PKHD1L1: variants seen among roughly 807,000 people sequenced by gnomAD.
PKHD1L1 encodes the protein fibrocystin-L.
Under a neutral mutation model 462.9 loss-of-function variants are expected in PKHD1L1, and 434 were observed. The ratio of observed to expected loss-of-function variants is 0.94; its 90% CI spans 0.87 to 1.02. PKHD1L1 has a LOEUF of 1.02. Ranked by LOEUF, PKHD1L1 falls within the 50% of genes least tolerant of loss-of-function variation. The probability of loss-of-function intolerance (pLI) is 0.00; values close to 1 mark genes in which losing one functional copy is unlikely to be tolerated. For synonymous variants in PKHD1L1, 1,781 were observed against 1,750.0 expected (o/e 1.02, Z -0.44); for missense variants, 5,202 against 5,096.1 (o/e 1.02, Z -0.63).
At chr8:109,523,012 T>G in intron 75 of PKHD1L1, 122 bp downstream of exon 75, 2 of 1,144,460 alleles carry the variant, frequency 1.7e-6, no homozygotes, top group Non-Finnish European at 2.4e-6. Context: ...CTTTCAGAAG[T>G]TGGACTAATA....
At chr8:109,496,690 G>T (rs1819104988) in intron 63 of PKHD1L1, among the ~76,000 whole-genome samples, 1 of 152,184 alleles carries the variant, frequency 6.6e-6, no homozygotes, top group Non-Finnish European at 1.5e-5. Context: ...TTTGAGACGA[G>T]TTTGAGTAAC....
At chr8:109,504,106 C>T (rs998030003) in intron 67 of PKHD1L1, among the ~76,000 whole-genome samples, 1 of 152,164 alleles carries the variant, frequency 6.6e-6, no homozygotes, top group Non-Finnish European at 1.5e-5. Flanking sequence ...GTTACATGGC[C>T]AAGCCCGGAG....
intron 57 of PKHD1L1, 23 bp from the exon 58 acceptor site, chr8:109,485,021 T>C (rs767146758): frequency 6.4e-7 from 1 of 1,557,698 alleles, no homozygotes; most frequent in Admixed American, 2.1e-5. Flanking sequence ...TGTTCTTAAA[T>C]TTGGCACTTG....
At position 109,464,285 on chromosome 8, in the gene PKHD1L1, C is replaced by G; in HGVS notation, c.7453C>G (p.Gln2485Glu). 1 of 1,612,690 alleles carries G rather than the reference C, an allele frequency of 6.2e-7. No homozygotes were observed. The highest frequency in any genetic ancestry group is 8.5e-7 in the Non-Finnish European group (1 of 1,179,202). ...PIHWHLLGDLQFKSYVRGCAI... is the reference protein window; with the variant it reads ...PIHWHLLGDLEFKSYVRGCAI... ...ACATTGGCACCTGCTTGGAGACTTA[C>G]AGTTTAAATCTTATGTAAGAGGCTG... Residue 2485 changes from glutamine (Q) to glutamate (E), a missense_variant, in exon 49 of 78, where the codon CAG becomes GAG. Gln to Glu is a conservative substitution (Grantham distance 29). This residue lies in a region of PKHD1L1 where 4,497 missense variants were observed against 4,336.8 expected (regional missense o/e 1.04). Coordinates refer to ENST00000378402, the MANE Select transcript of PKHD1L1 (RefSeq NM_177531.6).
chr8:109,508,210 C>T lies in PKHD1L1; in HGVS notation c.11341C>T (p.Arg3781Ter), dbSNP rs780025206. The T allele has an allele frequency of 1.3e-5, 21 of 1,613,108 alleles. No homozygotes were observed. In the East Asian group the frequency reaches 2.5e-4, roughly 19 times the overall value. Residue 3781 changes from arginine to a stop codon, truncating the protein, a stop_gained, in exon 70 of 78, where the codon CGA (arginine) becomes TGA (stop). Coordinates refer to ENST00000378402, the MANE Select transcript of PKHD1L1 (RefSeq NM_177531.6). LOFTEE classifies it high-confidence loss of function. ...AAGTCTGGATCCTGACACAGAAACT[C>T]GAAGACTTTCCCCAGTGGCTATAAT... ...IESLDPDTET[R>*]RLSPVAIMGN...
chr8:109,410,726 C>CTGTTTTTTTTTTTTTTTTTTTTTTTTT (rs1813798124), intron 19 of PKHD1L1, among the ~76,000 whole-genome samples: 1 of 68,402 alleles, frequency 1.5e-5, no homozygotes, highest in African/African-American at 8.2e-5. Flanking sequence ...TTTTCTTTTT[C>CTGTTTTTTTTTTTTTTTTTTTTTTTTT]TTTTTTTTTT....
chr8:109,453,026 T>C (rs1054588203), intron 43 of PKHD1L1, among the ~76,000 whole-genome samples, 152 bp downstream of exon 43: 2 of 152,174 alleles, frequency 1.3e-5, no homozygotes, highest in African/African-American at 4.8e-5. Context: ...AGTATTACAA[T>C]CCATTTGTGA....
At position 109,522,848 on chromosome 8, in the gene PKHD1L1, G is replaced by A; in HGVS notation, c.12288G>A (p.Gln4096=). The A allele has an allele frequency of 6.2e-7, 1 of 1,611,542 alleles. No homozygotes were observed. The highest frequency in any genetic ancestry group is 8.5e-7 in the Non-Finnish European group (1 of 1,179,060). The change falls in exon 75 of 78, where the codon CAG becomes CAA. Residue 4096 remains glutamine (Q), a synonymous_variant. Transcript: ENST00000378402. ...AGCCGGTGGCAGCACAGCCAGGACA[G>A]CCATTTCCTCAGCAGCCTTCGGTAA... ...ITQPVAAQPG[Q]PFPQQPSVKA...
At chr8:109,522,064 G>GAAA in intron 73 of PKHD1L1, 122 bp from the exon 74 acceptor site, 3 of 974,548 alleles carry the variant, frequency 3.1e-6, no homozygotes, top group Non-Finnish European at 4.3e-6. Context: ...GGTAAGACTA[G>GAAA]AAAGCCTTAG....
At chr8:109,454,333 A>T in intron 44 of PKHD1L1, 87 bp downstream of exon 44, 1 of 866,186 alleles carries the variant, frequency 1.2e-6, no homozygotes, top group Non-Finnish European at 1.7e-6. Context: ...ATAGTTAATT[A>T]TATCAACCTC....
At chr8:109,461,720 A>G (rs1213722327) in intron 47 of PKHD1L1, 52 bp from the exon 48 acceptor site, 3 of 1,550,890 alleles carry the variant, frequency 1.9e-6, no homozygotes, top group Admixed American at 3.9e-5. Flanking sequence ...AATCTTCAAT[A>G]TAAGAGGATT....
At chr8:109,456,752 C>A (rs1816848109) in intron 46 of PKHD1L1, among the ~76,000 whole-genome samples, 1 of 152,050 alleles carries the variant, frequency 6.6e-6, no homozygotes, top group Non-Finnish European at 1.5e-5. Flanking sequence ...TAAATAAATA[C>A]CTTAATGAAT....
At chr8:109,511,063 G>T in intron 71 of PKHD1L1, 129 bp downstream of exon 71, 1 of 1,043,390 alleles carries the variant, frequency 9.6e-7, no homozygotes, top group Non-Finnish European at 1.4e-6. Flanking sequence ...GATGCATCAG[G>T]GTACCACTGA....
intron 2 of PKHD1L1, among the ~76,000 whole-genome samples, chr8:109,377,526 C>T (rs965149475): frequency 6.6e-6 from 1 of 151,928 alleles, no homozygotes; most frequent in Admixed American, 6.6e-5. Context: ...GTTAATTTGC[C>T]TAAAGTAGAG....
chr8:109,415,866 T>TGG (rs1563752363), intron 21 of PKHD1L1, among the ~76,000 whole-genome samples: 1 of 74,912 alleles, frequency 1.3e-5, no homozygotes, highest in African/African-American at 3.6e-5. Flanking sequence ...AAAAAAGGGG[T>TGG]GTGTGTGTGT....
chr8:109,464,978 C>A lies in PKHD1L1; in HGVS notation c.8146C>A (p.Leu2716Met). 1.2e-6 allele frequency: 2 copies of A among 1,613,804 alleles called. No homozygotes were observed. Among genetic ancestry groups the A allele is most frequent in the Non-Finnish European group, 1.7e-6 (2 of 1,179,794 alleles). Residue 2716 changes from leucine to methionine, a missense_variant, in exon 49 of 78, where the codon CTG becomes ATG. Physicochemically the swap from Leu to Met is conservative, Grantham distance 15. Around this residue, in one of 3 missense-constraint regions of PKHD1L1, gnomAD observed 4,497 missense variants for 4,336.8 expected, o/e 1.04. Coordinates refer to ENST00000378402, the MANE Select transcript of PKHD1L1 (RefSeq NM_177531.6). ...CAAAATAGTCGGCCATCTTGATGAA[C>A]TGGGAATGGGGTCTGCATTTTGCAC... Reference protein sequence around the residue: ...NAKIVGHLDELGMGSAFCTAK... With the variant: ...NAKIVGHLDEMGMGSAFCTAK...
At chr8:109,485,289 A>G in intron 58 of PKHD1L1, 116 bp downstream of exon 58, 1 of 984,936 alleles carries the variant, frequency 1.0e-6, no homozygotes, top group Non-Finnish European at 1.4e-6. Flanking sequence ...GGAGCATTTT[A>G]TTCAGATTGG....
chr8:109,381,287 C>A, intron 2 of PKHD1L1, 83 bp from the exon 3 acceptor site: 2 of 1,102,648 alleles, frequency 1.8e-6, no homozygotes, highest in Non-Finnish European at 1.3e-6. Flanking sequence ...TCATTTACTG[C>A]ATGATTTGAT....
chr8:109,393,090 C>G (rs1433802407), intron 9 of PKHD1L1, among the ~76,000 whole-genome samples: 1 of 152,056 alleles, frequency 6.6e-6, no homozygotes, highest in African/African-American at 2.4e-5. Flanking sequence ...GACACAGTAT[C>G]GCTGGAGCTA....
Sources: gnomAD v4.1 joint callset for allele counts (sites outside exome capture counted in the v4.1 genomes callset) on GRCh38, gnomAD v4.1.1 for gene constraint, gnomAD v4.1.1 regional missense constraint, MANE v1.5 for transcripts, NCBI Gene and HGNC (gene_info 2026-07-23, HGNC 2026-07-21) for gene names.